The following OTUD7B variants were observed in gnomAD, a reference collection of about 807,000 sequenced individuals.
The protein encoded by OTUD7B is OTU domain-containing protein 7B.
In OTUD7B, 34 loss-of-function variants were observed where a neutral mutation model predicts 82.2. The ratio of observed to expected loss-of-function variants is 0.41; its 90% confidence interval spans 0.31 to 0.55. The LOEUF is 0.55. Ranked by LOEUF, OTUD7B falls within the 20% of genes least tolerant of loss-of-function variation. The pLI, the probability that OTUD7B is intolerant of heterozygous loss-of-function variation, is 0.20. For missense variants in OTUD7B, 944 were observed against 1,062.1 expected, an observed-to-expected ratio of 0.89 and a Z score of 1.55; for synonymous variants, 398 against 402.7, an observed-to-expected ratio of 0.99 and a Z score of 0.14.
At chr1:149,962,867 T>A (rs1559838938) in intron 6 of OTUD7B, 1 of 152,216 alleles carries the variant, frequency 6.6e-6, no homozygotes, top group Non-Finnish European at 1.5e-5. Context: ...TTCTAAATTC[T>A]AGGCTAGCTC....
intron 1 of OTUD7B, among the ~76,000 whole-genome samples, chr1:149,995,697 G>C (rs1553783207): frequency 1.3e-5 from 2 of 152,006 alleles, no homozygotes; most frequent in Non-Finnish European, 1.5e-5. Flanking sequence ...TAAGTCTTCA[G>C]CATTTTTTTT....
chr1:150,003,142 C>A (rs143367816), intron 1 of OTUD7B, among the ~76,000 whole-genome samples: 1 of 150,290 alleles, frequency 6.7e-6, no homozygotes, highest in East Asian at 2.0e-4. Flanking sequence ...CCCAGCAACT[C>A]GGGAGGCTGA....
chr1:149,949,849 T>A, intron 8 of OTUD7B, 71 bp from the exon 9 acceptor site: 1 of 1,499,498 alleles, frequency 6.7e-7, no homozygotes, highest in Non-Finnish European at 9.1e-7. Context: ...CATCCCACTC[T>A]GCCAACTGAG....
intron 1 of OTUD7B, among the ~76,000 whole-genome samples, chr1:150,007,049 G>A (rs2101946434): frequency 6.6e-6 from 1 of 152,166 alleles, no homozygotes; most frequent in South Asian, 2.1e-4. Flanking sequence ...CCACCCTCTT[G>A]CCTGCTCTAC....
chr1:149,957,696 T>C (rs1273178049), intron 7 of OTUD7B, among the ~76,000 whole-genome samples: 1 of 152,182 alleles, frequency 6.6e-6, no homozygotes, highest in Non-Finnish European at 1.5e-5. Context: ...AGTTCGAGCT[T>C]CCCGGCCGCT....
intron 7 of OTUD7B, among the ~76,000 whole-genome samples, chr1:149,950,873 GC>G (rs1345391724): frequency 6.9e-6 from 1 of 144,254 alleles, no homozygotes; most frequent in African/African-American, 2.6e-5. Context: ...CTCACTGCAA[GC>G]TCTGCCTCCC....
chr1:149,973,697 G>A (rs1410882909), intron 2 of OTUD7B, among the ~76,000 whole-genome samples: 1 of 151,900 alleles, frequency 6.6e-6, no homozygotes, highest in Non-Finnish European at 1.5e-5. Context: ...TGTTGGCCAG[G>A]CTAGTCTCGA....
chr1:150,007,212 T>C (rs1652728311), intron 1 of OTUD7B, among the ~76,000 whole-genome samples: 1 of 152,242 alleles, frequency 6.6e-6, no homozygotes, highest in Non-Finnish European at 1.5e-5. Context: ...ACAGTAACTA[T>C]TTCATTTACT....
chr1:150,033,017 G>A, the OTUD7B span, among the ~76,000 whole-genome samples: 1 of 152,044 alleles, frequency 6.6e-6, no homozygotes, highest in Admixed American at 6.5e-5. Context: ...TACATGACTA[G>A]GACATTCTGT....
At chr1:150,037,387 G>A in the OTUD7B span, among the ~76,000 whole-genome samples, 1 of 151,720 alleles carries the variant, frequency 6.6e-6, no homozygotes, top group South Asian at 2.1e-4. Flanking sequence ...ACAGCTCCAA[G>A]AACAAAGAGA....
chr1:149,944,301 A>T lies in OTUD7B; in HGVS notation c.2088T>A (p.Phe696Leu). Residue 696 changes from phenylalanine (F) to leucine (L), a missense_variant, in exon 12 of 12, where the codon TTT (phenylalanine) becomes TTA (leucine). Transcript: ENST00000581312. ...CGCCCCCAGACGGCCGAGGGATAGTAAAGTCCCCAGGGTAGCCAGTGGAAA... is the reference window on the plus strand; with the variant it reads ...CGCCCCCAGACGGCCGAGGGATAGTTAAGTCCCCAGGGTAGCCAGTGGAAA... ...MAFSTGYPGDFTIPRPSGGGV... is the reference protein window; with the variant it reads ...MAFSTGYPGDLTIPRPSGGGV... The T allele has an allele frequency of 6.2e-7, 1 of 1,611,090 alleles. No homozygotes were observed. Among genetic ancestry groups the T allele is most frequent in the Non-Finnish European group, 8.5e-7 (1 of 1,178,162 alleles).
chr1:150,056,578 T>G, the OTUD7B span, among the ~76,000 whole-genome samples: 1 of 152,182 alleles, frequency 6.6e-6, no homozygotes, highest in African/African-American at 2.4e-5. Context: ...ATGAGGAAAC[T>G]GTGACACAGA....
the OTUD7B span, among the ~76,000 whole-genome samples, chr1:150,061,578 C>T: frequency 4.6e-5 from 7 of 152,000 alleles, no homozygotes; most frequent in African/African-American, 7.3e-5. Context: ...CTTTCATGAC[C>T]GCACATAGGA....
upstream of OTUD7B, among the ~76,000 whole-genome samples, chr1:150,013,995 T>TATACACACACACAC (rs1461049513): frequency 2.4e-5 from 3 of 127,082 alleles, no homozygotes; most frequent in Non-Finnish European, 5.1e-5. Context: ...CACACATATA[T>TATACACACACACAC]ACACACATAT....
chr1:149,955,735 G>A (rs1330143981), intron 7 of OTUD7B, among the ~76,000 whole-genome samples: 4 of 151,862 alleles, frequency 2.6e-5, no homozygotes, highest in Non-Finnish European at 2.9e-5. Flanking sequence ...CCTGTATTGG[G>A]TGCATATATA....
chr1:150,014,998 TATTTACTTCACCC>T (rs1653225999), upstream of OTUD7B, among the ~76,000 whole-genome samples: 1 of 152,210 alleles, frequency 6.6e-6, no homozygotes, highest in African/African-American at 2.4e-5. Context: ...ATTTGATTGA[TATTTACTTCACCC>T]ATCAGATTCT....
At chr1:150,016,484 C>T in the OTUD7B span, among the ~76,000 whole-genome samples, 4 of 139,714 alleles carry the variant, frequency 2.9e-5, no homozygotes, top group African/African-American at 8.1e-5. Context: ...GACAGAGTCT[C>T]GCTTTTGTCG....
At chr1:149,948,856 C>A in intron 10 of OTUD7B, 113 bp downstream of exon 10, 1 of 700,292 alleles carries the variant, frequency 1.4e-6, no homozygotes, top group Non-Finnish European at 2.5e-6. Flanking sequence ...TCCCAAAACT[C>A]ATCTTAGCTT....
intron 1 of OTUD7B, among the ~76,000 whole-genome samples, chr1:149,978,711 A>T (rs1404258163): frequency 6.6e-6 from 1 of 152,222 alleles, no homozygotes; most frequent in Non-Finnish European, 1.5e-5. Context: ...AGACTTTGGC[A>T]GAAACTATGT....
Sources: gnomAD v4.1 joint callset for allele counts (sites outside exome capture counted in the v4.1 genomes callset) on GRCh38, gnomAD v4.1.1 for gene constraint, MANE v1.5 for transcripts, NCBI Gene and HGNC (gene_info 2026-07-23, HGNC 2026-07-21) for gene names.